Variants in SRGAP3 observed in about 807,000 individuals in gnomAD.
The protein encoded by SRGAP3 is SLIT-ROBO Rho GTPase-activating protein 3.
SRGAP3 carries 39 observed loss-of-function variants against 121.1 expected under a neutral mutation model. The ratio of observed to expected loss-of-function variants is 0.32; its 90% CI spans 0.25 to 0.42. The LOEUF (loss-of-function observed/expected upper bound fraction) is 0.42. Among genes scored for constraint, SRGAP3 ranks in the 10% least tolerant of loss-of-function variants. The probability of loss-of-function intolerance (pLI) is 1.00; values close to 1 mark genes in which losing one functional copy is unlikely to be tolerated. For synonymous variants in SRGAP3, 601 were observed against 570.0 expected (o/e 1.05, Z -0.77); for missense variants, 1,213 against 1,470.6 (o/e 0.82, Z 2.86).
In SRGAP3 at chr3:9,056,254, G is replaced by C. The variant is rs1455531681; in HGVS notation, c.1104C>G (p.Thr368=). The part of the protein sequence containing the change: ...RYHQLQSRLA[T]LKIENEEVRK... ...TCACCTCCTCATTCTCTATCTTGAG[G>C]GTGGCCAGTCTGGACTGCAGCTGGT... The change falls in exon 8 of 22, where the codon ACC becomes ACG. Residue 368 remains threonine, a synonymous_variant. Coordinates refer to ENST00000383836, the MANE Select transcript of SRGAP3 (RefSeq NM_014850.4). 2 of 1,613,952 alleles carry C rather than the reference G, an allele frequency of 1.2e-6. No individual in the cohort carries two copies. The highest frequency in any genetic ancestry group is 1.7e-6 in the Non-Finnish European group (2 of 1,180,022).
chr3:9,267,587 A>C (rs1170890431), intron 3 of SRGAP3, among the ~76,000 whole-genome samples: 1 of 152,168 alleles, frequency 6.6e-6, no homozygotes, highest in Non-Finnish European at 1.5e-5. Flanking sequence ...TGAGAAGCTG[A>C]GTCCTGTTTT....
chr3:9,114,861 C>T (rs771187453), intron 2 of SRGAP3, among the ~76,000 whole-genome samples: 10 of 152,226 alleles, frequency 6.6e-5, no homozygotes, highest in African/African-American at 9.6e-5. Flanking sequence ...AAGCACCCCA[C>T]ACATCCACAT....
chr3:9,204,985 T>C (rs553190050), intron 1 of SRGAP3, among the ~76,000 whole-genome samples: 2 of 152,330 alleles, frequency 1.3e-5, no homozygotes, highest in African/African-American at 2.4e-5. Flanking sequence ...GCCATAAACA[T>C]TGATCACCAT....
chr3:9,056,950 C>A (rs767690680), intron 7 of SRGAP3, among the ~76,000 whole-genome samples: 37 of 152,172 alleles, frequency 2.4e-4, no homozygotes, highest in African/African-American at 8.9e-4. Flanking sequence ...GGTGCCATCA[C>A]GGCTCACTGC....
intron 9 of SRGAP3, among the ~76,000 whole-genome samples, chr3:9,047,693 T>G (rs910547627): frequency 1.3e-5 from 2 of 152,174 alleles, no homozygotes; most frequent in Non-Finnish European, 2.9e-5. Context: ...CTTGGAGGGC[T>G]CCAGGCCTTT....
chr3:9,188,864 T>C (rs1951674937), intron 1 of SRGAP3, among the ~76,000 whole-genome samples: 1 of 152,174 alleles, frequency 6.6e-6, no homozygotes, highest in Non-Finnish European at 1.5e-5. Context: ...CCTGCTCCCC[T>C]GCCCATTCTC....
intron 1 of SRGAP3, among the ~76,000 whole-genome samples, chr3:9,340,336 G>A (rs1386675391): frequency 1.3e-5 from 2 of 152,162 alleles, no homozygotes; most frequent in African/African-American, 2.4e-5. Flanking sequence ...AGGCCAGATG[G>A]AAAACTAAAT....
At chr3:9,142,829 CTTTT>C (rs397795766) in intron 1 of SRGAP3, among the ~76,000 whole-genome samples, 31 of 90,862 alleles carry the variant, frequency 3.4e-4, no homozygotes, top group African/African-American at 1.1e-3. Context: ...GGGCAATTTC[CTTTT>C]TTTTTTTTTT....
chr3:9,340,038 G>A (rs1955756413), intron 1 of SRGAP3, among the ~76,000 whole-genome samples: 1 of 152,094 alleles, frequency 6.6e-6, no homozygotes, highest in Admixed American at 6.5e-5. Flanking sequence ...CAATGAAAAG[G>A]GACCCCAACA....
chr3:9,155,916 C>T (rs1001861780), intron 1 of SRGAP3, among the ~76,000 whole-genome samples: 2 of 152,126 alleles, frequency 1.3e-5, no homozygotes, highest in Non-Finnish European at 2.9e-5. Context: ...CCCGGGTTCA[C>T]GCCATTCTCC....
intron 13 of SRGAP3, among the ~76,000 whole-genome samples, chr3:9,026,677 T>A (rs571014577): frequency 1.3e-5 from 2 of 152,192 alleles, no homozygotes; most frequent in Non-Finnish European, 2.9e-5. Flanking sequence ...AGCTATAGGG[T>A]TGAGTTCTCT....
intron 1 of SRGAP3, among the ~76,000 whole-genome samples, chr3:9,163,932 G>A (rs566990868): frequency 2.6e-4 from 39 of 149,754 alleles, no homozygotes; most frequent in African/African-American, 8.1e-4. Flanking sequence ...TCCAGGCACC[G>A]TATGAAGCTC....
At position 8,985,111 on chromosome 3, in the gene SRGAP3, C is replaced by G. The variant is rs1941606399; in HGVS notation, c.*408G>C. 3.7e-6 allele frequency: 1 copy of G among 268,620 alleles called. No individual in the cohort carries two copies. Among genetic ancestry groups the G allele is most frequent in the Non-Finnish European group, 7.1e-6 (1 of 141,390 alleles). 16.6% of individuals were successfully genotyped at this position (268,620 alleles called of 1,614,324 possible). A position where few individuals can be genotyped will look rare whatever the true frequency, so the allele number is the denominator to read the frequency against. ...ATGCATAAATATATATATATATACACACACCTACAGACACGTACATACGTA... is the reference window on the plus strand; with the variant it reads ...ATGCATAAATATATATATATATACAGACACCTACAGACACGTACATACGTA... On this transcript the variant is annotated 3_prime_UTR_variant, in exon 22 of 22. Transcript: ENST00000383836. The surrounding 1 kb of genome is among the most constrained non-coding windows in gnomAD (Gnocchi z 5.1).
chr3:9,269,249 C>A (rs1204455681), intron 3 of SRGAP3, among the ~76,000 whole-genome samples: 15 of 152,168 alleles, frequency 9.9e-5, no homozygotes, highest in Admixed American at 3.9e-4. Context: ...CAAGAAGAGT[C>A]AATAGGCACT....
chr3:8,986,071 C>T (rs1230099617), intron 21 of SRGAP3, 139 bp from the exon 22 acceptor site: 1 of 1,512,534 alleles, frequency 6.6e-7, no homozygotes, highest in Non-Finnish European at 8.9e-7. Context: ...CTCAGGATGT[C>T]TTATAACCAC....
intron 1 of SRGAP3, among the ~76,000 whole-genome samples, chr3:9,186,106 T>C (rs1951588114): frequency 6.6e-6 from 1 of 152,186 alleles, no homozygotes; most frequent in African/African-American, 2.4e-5. Context: ...AAAGCCCTTT[T>C]TGCTCATGGT....
intron 12 of SRGAP3, among the ~76,000 whole-genome samples, chr3:9,031,329 A>C (rs1394935269): frequency 6.6e-6 from 1 of 152,202 alleles, no homozygotes; most frequent in Non-Finnish European, 1.5e-5. Context: ...ATGGAGACAG[A>C]GGATTCCTTT....
intron 18 of SRGAP3, among the ~76,000 whole-genome samples, chr3:8,997,797 TA>T (rs1476712527): frequency 6.6e-6 from 1 of 152,236 alleles, no homozygotes; most frequent in African/African-American, 2.4e-5. Context: ...CTATCCGTCT[TA>T]TTTTTTAATG....
chr3:9,209,361 A>G (rs545696646), intron 1 of SRGAP3, among the ~76,000 whole-genome samples: 2 of 152,388 alleles, frequency 1.3e-5, no homozygotes, highest in African/African-American at 4.8e-5. Context: ...AAGCCATAGG[A>G]AAAGATCAAC....
Sources: gnomAD v4.1 joint callset for allele counts (sites outside exome capture counted in the v4.1 genomes callset) on GRCh38, gnomAD v4.1.1 for gene constraint, Gnocchi (gnomAD v3.1) non-coding constraint, MANE v1.5 for transcripts, NCBI Gene and HGNC (gene_info 2026-07-23, HGNC 2026-07-21) for gene names.